CDH18: variants seen among roughly 807,000 people sequenced by gnomAD.
The protein encoded by CDH18 is cadherin 18.
In CDH18, 31 loss-of-function variants were observed where a neutral mutation model predicts 67.9. The ratio of observed to expected loss-of-function variants is 0.46; its 90% CI spans 0.34 to 0.62. CDH18 has a LOEUF of 0.62. CDH18 is among the 20% of genes least tolerant of loss of function. CDH18 has a pLI of 0.01. For missense variants in CDH18, 890 were observed against 975.5 expected (o/e 0.91, Z 1.17); for synonymous variants, 362 against 347.2 (o/e 1.04, Z -0.48).
intron 1 of CDH18, among the ~76,000 whole-genome samples, chr5:20,533,734 A>G (rs2126562718): frequency 6.6e-6 from 1 of 152,198 alleles, no homozygotes; most frequent in Non-Finnish European, 1.5e-5. Flanking sequence ...CATTGTAAAT[A>G]TTGATATAAA....
chr5:20,437,780 G>T (rs1300083755), intron 1 of CDH18, among the ~76,000 whole-genome samples: 1 of 151,000 alleles, frequency 6.6e-6, no homozygotes. Context: ...AAAATTAGTA[G>T]AATGAAACAA....
chr5:19,964,285 G>T (rs1484537765), intron 2 of CDH18, among the ~76,000 whole-genome samples: 1 of 151,910 alleles, frequency 6.6e-6, no homozygotes, highest in Non-Finnish European at 1.5e-5. Context: ...CAGACAAGTT[G>T]AAATGAACCT....
chr5:20,101,626 T>C (rs1166232281), intron 2 of CDH18, among the ~76,000 whole-genome samples: 1 of 152,104 alleles, frequency 6.6e-6, no homozygotes, highest in Non-Finnish European at 1.5e-5. Flanking sequence ...AAGTGTGGAT[T>C]TGTAATCACT....
intron 1 of CDH18, among the ~76,000 whole-genome samples, chr5:20,367,261 G>A (rs1433683891): frequency 6.6e-6 from 1 of 152,060 alleles, no homozygotes; most frequent in Non-Finnish European, 1.5e-5. Context: ...ATGCCCCACG[G>A]GAAAATACTA....
In CDH18 at chr5:20,548,302, T is replaced by G. The variant is rs551158484; in HGVS notation, c.-580+27160A>C. 3.5e-4 allele frequency among the ~76,000 whole-genome samples: 53 copies of G among 151,944 alleles called. 1 individual carries two copies. Among genetic ancestry groups the G allele is most frequent in the African/African-American group, 1.3e-3 (52 of 41,516 alleles). On this transcript the variant is annotated intron_variant, in intron 1 of 14. Transcript: ENST00000507958. The stretch of plus-strand genomic sequence containing the variant: ...CATTACTCATCTTTCCAAAGTAATT[T>G]TATTTATTCAAGATAAGTCTGCCAG...
At chr5:19,917,071 T>G (rs997316971) in intron 2 of CDH18, among the ~76,000 whole-genome samples, 1 of 152,212 alleles carries the variant, frequency 6.6e-6, no homozygotes, top group Non-Finnish European at 1.5e-5. Flanking sequence ...TCAACATACA[T>G]CTTGTCTAAA....
chr5:20,242,101 G>C (rs1307868398), intron 2 of CDH18, among the ~76,000 whole-genome samples: 1 of 151,204 alleles, frequency 6.6e-6, no homozygotes, highest in Non-Finnish European at 1.5e-5. Context: ...TAAATTATGA[G>C]GAGATGTAAA....
At chr5:19,926,799 A>G (rs1166788995) in intron 2 of CDH18, among the ~76,000 whole-genome samples, 1 of 152,086 alleles carries the variant, frequency 6.6e-6, no homozygotes, top group African/African-American at 2.4e-5. Context: ...ATGCCAAGAT[A>G]TTTCACAATT....
At chr5:20,568,195 C>G (rs1157718761) in intron 1 of CDH18, among the ~76,000 whole-genome samples, 2 of 152,138 alleles carry the variant, frequency 1.3e-5, no homozygotes, top group East Asian at 3.8e-4. Flanking sequence ...AATGTGGCAA[C>G]TTAACCTAGT....
intron 2 of CDH18, among the ~76,000 whole-genome samples, chr5:20,050,529 C>A (rs1017368227): frequency 6.6e-6 from 1 of 151,794 alleles, no homozygotes; most frequent in Non-Finnish European, 1.5e-5. Context: ...TTAATGCTTT[C>A]AATGAGTCAT....
chr5:19,591,281 A>C, intron 6 of CDH18, 37 bp from the exon 7 acceptor site: 3 of 1,340,912 alleles, frequency 2.2e-6, no homozygotes, highest in Non-Finnish European at 3.0e-6. Context: ...TTTAAATACA[A>C]TGTTCATGAA....
rs545258410 is a variant in CDH18 at position 19,612,158 on chromosome 5, C to CAAA, written c.811+275_811+276insTTT. ...GAATATACAGATACTTCGCCAAAGG[C>CAAA]AAGATGCCATTTTTTAGTACCACCA... On this transcript the variant is annotated intron_variant, in intron 6 of 12. Coordinates refer to ENST00000382275, the MANE Select transcript of CDH18 (RefSeq NM_004934.5). Among the ~76,000 whole-genome samples the CAAA allele has an allele frequency of 1.3e-3, 195 of 152,256 alleles. 1 individual carries two copies. Among genetic ancestry groups the CAAA allele is most frequent in the African/African-American group, 4.5e-3 (189 of 41,540 alleles).
At chr5:20,337,366 C>T (rs1004167248) in intron 1 of CDH18, among the ~76,000 whole-genome samples, 2 of 152,164 alleles carry the variant, frequency 1.3e-5, no homozygotes, top group African/African-American at 4.8e-5. Context: ...AACTCAATGC[C>T]TTTAGCAGCA....
In CDH18 at chr5:19,483,355, CAG is replaced by C; in HGVS notation, c.1826_1827del (p.Ala609GlyfsTer50). 1 of 1,613,978 alleles carries C rather than the reference CAG, an allele frequency of 6.2e-7. No homozygotes were observed. Among genetic ancestry groups the C allele is most frequent in the Non-Finnish European group, 8.5e-7 (1 of 1,179,922 alleles). Reference protein sequence around the residue: ...TCHAEAFLSSAGLSTGALIAI... With the variant: ...TCHAEAFLSSXGLSTGALIAI... ...GCGATTAAGGCTCCTGTACTCAAAC[CAG>C]CCGAGGACAGGAAGGCTTCTGCATG... On this transcript the variant is annotated frameshift_variant, in exon 12 of 13. Coordinates refer to ENST00000382275, the MANE Select transcript of CDH18 (RefSeq NM_004934.5). LOFTEE classifies it high-confidence loss of function.
At chr5:20,022,825 T>C (rs1349360724) in intron 2 of CDH18, among the ~76,000 whole-genome samples, 2 of 152,188 alleles carry the variant, frequency 1.3e-5, no homozygotes, top group Admixed American at 6.5e-5. Flanking sequence ...ATTATGAATA[T>C]GTAATTGACT....
At chr5:20,304,845 G>C (rs112241700) in intron 1 of CDH18, 16,863 of 1,611,320 alleles carry the variant, frequency 0.01, 226 homozygotes, top group African/African-American at 0.064. Context: ...TGCCACTGTT[G>C]CCGTGTTGCT....
rs144155941 is a variant in CDH18 at position 20,377,342 on chromosome 5, T to A, written c.-579-121837A>T. Reference sequence around the variant, plus strand: ...TAACATATTTGAGTATAAATCTCATTTCCAAAAAAATGAGAAAGAGATATT... The same window carrying A: ...TAACATATTTGAGTATAAATCTCATATCCAAAAAAATGAGAAAGAGATATT... On this transcript the variant is annotated intron_variant, in intron 1 of 14. Transcript: ENST00000507958. 1.8e-4 allele frequency among the ~76,000 whole-genome samples: 28 copies of A among 152,314 alleles called. No homozygotes were observed. The East Asian group carries it at 4.8e-3, about 26-fold the overall frequency.
In CDH18 at chr5:19,758,778, G is replaced by C. The variant is rs181145345; in HGVS notation, c.229-11542C>G. ...CCTAGAAATTTTACTGAAGTAGAAGGTCCTTGAATTGTAGTTGGATTTATT... is the reference window on the plus strand; with the variant it reads ...CCTAGAAATTTTACTGAAGTAGAAGCTCCTTGAATTGTAGTTGGATTTATT... On this transcript the variant is annotated intron_variant, in intron 3 of 12. Transcript: ENST00000382275. Among the ~76,000 whole-genome samples the C allele has an allele frequency of 2.6e-5, 4 of 152,318 alleles. No individual in the cohort carries two copies. The East Asian group carries it at 5.8e-4, about 22-fold the overall frequency.
At chr5:19,604,870 A>C (rs2150079562) in intron 6 of CDH18, among the ~76,000 whole-genome samples, 1 of 152,020 alleles carries the variant, frequency 6.6e-6, no homozygotes, top group South Asian at 2.1e-4. Flanking sequence ...CTCAAGTATT[A>C]TAGTGGAACA....
Sources: allele counts gnomAD v4.1 joint callset (sites outside exome capture counted in the v4.1 genomes callset), GRCh38; gene constraint gnomAD v4.1.1; transcripts MANE v1.5; gene names NCBI Gene and HGNC (gene_info 2026-07-23, HGNC 2026-07-21).